Variants in DENND4C observed in about 807,000 individuals in gnomAD.
DENND4C encodes the protein DENN domain-containing protein 4C.
In DENND4C, 108 loss-of-function variants were observed where a neutral mutation model predicts 203.0. The observed-to-expected ratio is 0.53, with a 90% CI of 0.46 to 0.62. DENND4C has a LOEUF of 0.62. Ranked by LOEUF, DENND4C falls within the 20% of genes least tolerant of loss-of-function variation. The pLI is 0.00. For missense variants in DENND4C, 2,481 were observed against 2,301.2 expected (o/e 1.08, Z -1.60); for synonymous variants, 871 against 792.4 (o/e 1.10, Z -1.67).
At chr9:19,280,441 C>G (rs1038733585) in intron 2 of DENND4C, among the ~76,000 whole-genome samples, 1 of 152,060 alleles carries the variant, frequency 6.6e-6, no homozygotes, top group Non-Finnish European at 1.5e-5. Flanking sequence ...CCCTGTGCCC[C>G]GCCGGAAGGG....
chr9:19,362,100 C>A (rs1055021347), intron 30 of DENND4C, 137 bp downstream of exon 30: 2 of 529,408 alleles, frequency 3.8e-6, no homozygotes, highest in Non-Finnish European at 6.7e-6. Context: ...ATGGTGAAAT[C>A]CTGTCTCTAT....
At chr9:19,320,008 T>C (rs1250943486) in intron 12 of DENND4C, among the ~76,000 whole-genome samples, 1 of 152,176 alleles carries the variant, frequency 6.6e-6, no homozygotes, top group Admixed American at 6.5e-5. Flanking sequence ...CTGCCACTTG[T>C]ATTCCTGTAA....
At chr9:19,344,891 G>C (rs1563824693) in intron 22 of DENND4C, among the ~76,000 whole-genome samples, 1 of 152,186 alleles carries the variant, frequency 6.6e-6, no homozygotes, top group Non-Finnish European at 1.5e-5. Context: ...TGTTAGCATG[G>C]TGAGTTCTGC....
intron 1 of DENND4C, among the ~76,000 whole-genome samples, chr9:19,241,804 G>C (rs1564077873): frequency 6.6e-6 from 1 of 151,950 alleles, no homozygotes; most frequent in East Asian, 1.9e-4. Flanking sequence ...GATCGCTTGA[G>C]CTCAGGAGAT....
At chr9:19,250,916 G>A (rs1306414963) in intron 1 of DENND4C, among the ~76,000 whole-genome samples, 1 of 152,228 alleles carries the variant, frequency 6.6e-6, no homozygotes, top group Non-Finnish European at 1.5e-5. Flanking sequence ...ATGGGCTGGT[G>A]ATGAGTGTCT....
At chr9:19,325,551 A>T (rs1817643594) in intron 13 of DENND4C, among the ~76,000 whole-genome samples, 1 of 152,178 alleles carries the variant, frequency 6.6e-6, no homozygotes. Flanking sequence ...GGATATAATT[A>T]AAACTATTCA....
intron 1 of DENND4C, among the ~76,000 whole-genome samples, chr9:19,231,109 C>T (rs927812433): frequency 6.6e-6 from 1 of 152,202 alleles, no homozygotes; most frequent in African/African-American, 2.4e-5. Context: ...CGTCGCCCGC[C>T]GGGCCCATGA....
rs1035488889 is a variant in DENND4C, at chr9:19,366,059, G to T, written c.5525-3778G>T. ...TTCAGGTAGCTTCTTTACGTAAATT[G>T]ACAAGTGAATCTTGAAATTCATATG... is the stretch of plus-strand genomic sequence containing the variant. On this transcript the variant is annotated intron_variant, in intron 30 of 32. Transcript: ENST00000434457. 2.0e-5 allele frequency among the ~76,000 whole-genome samples: 3 copies of T among 152,160 alleles called. No individual in the cohort carries two copies. The East Asian group carries it at 5.8e-4, about 29-fold the overall frequency.
At chr9:19,302,539 G>A (rs1838796147) in intron 9 of DENND4C, among the ~76,000 whole-genome samples, 1 of 152,142 alleles carries the variant, frequency 6.6e-6, no homozygotes, top group Non-Finnish European at 1.5e-5. Context: ...CATACCTTTT[G>A]TTGAATAGAA....
chr9:19,314,516 A>G (rs1300880084), intron 10 of DENND4C, among the ~76,000 whole-genome samples: 1 of 152,186 alleles, frequency 6.6e-6, no homozygotes, highest in Non-Finnish European at 1.5e-5. Flanking sequence ...ACCACTAAAG[A>G]ACTAATTCAT....
Position 19,254,034 on chromosome 9 carries a change from A to G in DENND4C, c.-17-22124A>G, listed in dbSNP as rs78096864. Among the ~76,000 whole-genome samples the G allele has an allele frequency of 5.2e-3, 790 of 152,302 alleles. 7 individuals carry two copies. The highest frequency in any genetic ancestry group is 0.018 in the African/African-American group (748 of 41,548). ...ATTTTAATTGTTAAACTGTATATCT[A>G]AGTTGATTTTTACAAGTCGTTTTAT... On this transcript the variant is annotated intron_variant, in intron 1 of 32. Transcript: ENST00000434457.
At chr9:19,285,954 G>T (rs1835128745) in intron 2 of DENND4C, among the ~76,000 whole-genome samples, 1 of 152,114 alleles carries the variant, frequency 6.6e-6, no homozygotes, top group Admixed American at 6.5e-5. Context: ...ACTGATTACT[G>T]TAGATGTGTG....
At chr9:19,238,684 G>A (rs1267484701) in intron 1 of DENND4C, among the ~76,000 whole-genome samples, 1 of 107,224 alleles carries the variant, frequency 9.3e-6, no homozygotes, top group Non-Finnish European at 1.9e-5. Context: ...ACAGAATTTC[G>A]CTCTTGTGGC....
chr9:19,273,458 CCT>C (rs1489572484), intron 1 of DENND4C, among the ~76,000 whole-genome samples: 2 of 151,978 alleles, frequency 1.3e-5, no homozygotes, highest in African/African-American at 4.8e-5. Flanking sequence ...TCATCAAAAA[CCT>C]CTGTTTTTCA....
Position 19,371,834 on chromosome 9 carries a change from T to C in DENND4C, c.5740+14T>C. The C allele has an allele frequency of 7.1e-7, 1 of 1,418,192 alleles. No homozygotes were observed. Among genetic ancestry groups the C allele is most frequent in the Non-Finnish European group, 9.8e-7 (1 of 1,023,084 alleles). 87.9% of individuals were successfully genotyped at this position (1,418,192 alleles called of 1,614,324 possible). A position where few individuals can be genotyped will look rare whatever the true frequency, so the allele number is the denominator to read the frequency against. ...ATATTGATATTGGTAAGTTGGTTAA[T>C]AAAAGATTATGAAAGGAAGTTTTAC... On this transcript the variant is annotated intron_variant, in intron 32 of 32. Transcript: ENST00000434457.
At chr9:19,279,751 G>A (rs1833655394) in intron 2 of DENND4C, among the ~76,000 whole-genome samples, 1 of 152,058 alleles carries the variant, frequency 6.6e-6, no homozygotes, top group Non-Finnish European at 1.5e-5. Context: ...GAAGGCTGAG[G>A]TGGGAGGATC....
chr9:19,280,865 C>T (rs1217699072), intron 2 of DENND4C, among the ~76,000 whole-genome samples: 6 of 152,040 alleles, frequency 3.9e-5, no homozygotes, highest in Non-Finnish European at 7.4e-5. Flanking sequence ...CTCAGCCTCC[C>T]GAGTAGCTGG....
At chr9:19,323,632 T>G (rs868148629) in intron 12 of DENND4C, among the ~76,000 whole-genome samples, 2 of 152,240 alleles carry the variant, frequency 1.3e-5, no homozygotes, top group South Asian at 4.1e-4. Flanking sequence ...GTCAGATGCT[T>G]GAAACTTTAA....
intron 17 of DENND4C, among the ~76,000 whole-genome samples, chr9:19,332,517 A>ATT (rs11310338): frequency 5.4e-5 from 7 of 130,208 alleles, no homozygotes; most frequent in Admixed American, 2.3e-4. Context: ...TACCTGGCTA[A>ATT]TTTTTTTTTT....
Sources: allele counts gnomAD v4.1 joint callset (sites outside exome capture counted in the v4.1 genomes callset), GRCh38; gene constraint gnomAD v4.1.1; transcripts MANE v1.5; gene names NCBI Gene and HGNC (gene_info 2026-07-23, HGNC 2026-07-21).